ZGPAT: variants seen among roughly 807,000 people sequenced by gnomAD.
ZGPAT encodes zinc finger CCCH-type and G-patch domain containing.
ZGPAT carries 39 observed loss-of-function variants against 47.9 expected under a neutral mutation model. The observed-to-expected ratio is 0.81, with a 90% confidence interval of 0.63 to 1.06. ZGPAT has a LOEUF of 1.06. Among genes scored for constraint, ZGPAT ranks in the 50% least tolerant of loss-of-function variants. ZGPAT has a pLI of 0.00. For missense variants in ZGPAT, 717 were observed against 681.4 expected (o/e 1.05, Z -0.58); for synonymous variants, 348 against 292.9 (o/e 1.19, Z -1.92).
chr20:63,712,528 AAGAC>A (rs1416395922), intron 2 of ZGPAT, among the ~76,000 whole-genome samples: 7 of 152,200 alleles, frequency 4.6e-5, no homozygotes, highest in Non-Finnish European at 7.3e-5. Flanking sequence ...TTCTGCATAA[AAGAC>A]AGTTTGAATT....
In ZGPAT at chr20:63,734,981, C is replaced by T. The variant is rs369128993; in HGVS notation, c.991+157C>T. The T allele has an allele frequency of 1.0e-4, 136 of 1,312,760 alleles. No homozygotes were observed. The African/African-American group carries it at 1.3e-3, about 13-fold the overall frequency. 81.3% of individuals were successfully genotyped at this position (1,312,760 alleles called of 1,614,324 possible). ...TGCTCCTCAGATTCCCGGGGTCCCG[C>T]GGCCACAGCACTGCCATCCCCGTGC... On this transcript the variant is annotated intron_variant, in intron 5 of 6. Coordinates refer to ENST00000355969, the MANE Select transcript of ZGPAT (RefSeq NM_181485.3).
In ZGPAT at chr20:63,708,918, C is replaced by T. The variant is rs756811660; in HGVS notation, c.338C>T (p.Ser113Phe). 211 of 1,612,226 alleles carry T rather than the reference C, an allele frequency of 1.3e-4. No homozygotes were observed. Among genetic ancestry groups the T allele is most frequent in the Non-Finnish European group, 1.8e-4 (207 of 1,179,606 alleles). ...TVPKAEAGPESAAGGQEEEEG... is the reference protein window; with the variant it reads ...TVPKAEAGPEFAAGGQEEEEG... ...CCTAAAGCAGAGGCGGGGCCAGAATCTGCGGCAGGTGGGCAGGAGGAGGAA... is the reference window on the plus strand; with the variant it reads ...CCTAAAGCAGAGGCGGGGCCAGAATTTGCGGCAGGTGGGCAGGAGGAGGAA... Residue 113 changes from serine to phenylalanine, a missense_variant, in exon 2 of 7, where the codon TCT becomes TTT. Physicochemically the swap from Ser to Phe is radical, Grantham distance 155 (BLOSUM62 -2). Transcript: ENST00000355969.
chr20:63,727,690 A>G (rs1016491725), intron 2 of ZGPAT, among the ~76,000 whole-genome samples: 1 of 150,712 alleles, frequency 6.6e-6, no homozygotes, highest in Non-Finnish European at 1.5e-5. Context: ...AAAAAAAAAA[A>G]GGATTCTCTA....
intron 2 of ZGPAT, among the ~76,000 whole-genome samples, chr20:63,732,736 CTGTATA>C (rs1465397662): frequency 2.0e-5 from 3 of 148,864 alleles, no homozygotes; most frequent in South Asian, 4.3e-4. Flanking sequence ...ATGTGTATGT[CTGTATA>C]TGTGTGTGTA....
chr20:63,731,284 ATG>A (rs1232489677), intron 2 of ZGPAT, among the ~76,000 whole-genome samples: 14 of 145,106 alleles, frequency 9.6e-5, no homozygotes, highest in Admixed American at 5.6e-4. Flanking sequence ...TGTGTGTGTG[ATG>A]TGTGTGAGAC....
chr20:63,730,968 C>CTG (rs1402596177), intron 2 of ZGPAT, among the ~76,000 whole-genome samples: 10 of 101,024 alleles, frequency 9.9e-5, no homozygotes, highest in South Asian at 3.2e-4. Context: ...CTCTCTCTCT[C>CTG]TCTGTGTGTG....
intron 2 of ZGPAT, among the ~76,000 whole-genome samples, chr20:63,719,765 G>T: frequency 1.3e-5 from 2 of 149,680 alleles, no homozygotes. Context: ...TTTGAAGCGG[G>T]GTTTCACTCT....
At chr20:63,731,721 G>A (rs1601343268) in intron 2 of ZGPAT, among the ~76,000 whole-genome samples, 2 of 150,972 alleles carry the variant, frequency 1.3e-5, no homozygotes, top group South Asian at 4.2e-4. Context: ...GTGTGAGATT[G>A]TGTGTGCATA....
At chr20:63,727,423 G>C (rs578217791) in intron 2 of ZGPAT, among the ~76,000 whole-genome samples, 1 of 151,864 alleles carries the variant, frequency 6.6e-6, no homozygotes, top group East Asian at 1.9e-4. Flanking sequence ...TGTATTTTTA[G>C]TAGAGACGGG....
intron 2 of ZGPAT, among the ~76,000 whole-genome samples, chr20:63,722,575 C>A (rs548744223): frequency 6.6e-6 from 1 of 152,208 alleles, no homozygotes; most frequent in East Asian, 1.9e-4. Context: ...CTAGAGATGA[C>A]AATGTACATC....
rs1030036139 is a variant in ZGPAT, at chr20:63,733,467, C to T, written c.718+115C>T. On this transcript the variant is annotated intron_variant, in intron 3 of 6. Transcript: ENST00000355969. Reference sequence around the variant, plus strand: ...TGAGTGTCGGGACTCTGGCTCTGGGCCCGAAATGAGCACACCTACCCTCAG... The same window carrying T: ...TGAGTGTCGGGACTCTGGCTCTGGGTCCGAAATGAGCACACCTACCCTCAG... 3 of 1,596,970 alleles carry T rather than the reference C, an allele frequency of 1.9e-6. No homozygotes were observed. The African/African-American group carries it at 4.0e-5, about 21-fold the overall frequency.
intron 2 of ZGPAT, among the ~76,000 whole-genome samples, chr20:63,727,228 A>AT (rs11476997): frequency 7.8e-5 from 11 of 140,174 alleles, no homozygotes; most frequent in Middle Eastern, 3.6e-3. Flanking sequence ...TTTCCATTTG[A>AT]TTTTTTTTTT....
Position 63,732,515 on chromosome 20 carries a change from G to A in ZGPAT, c.585-704G>A, listed in dbSNP as rs544883370. On this transcript the variant is annotated intron_variant, in intron 2 of 6. Coordinates refer to ENST00000355969, the MANE Select transcript of ZGPAT (RefSeq NM_181485.3). ...TGTGTGGGTGAGGGCACGTGTGCGC[G>A]CGTGTGGGTGAGATGGCGTGTGCGT... Among the ~76,000 whole-genome samples, 31 of 151,904 alleles carry A rather than the reference G, an allele frequency of 2.0e-4. 1 individual carries two copies. The highest frequency in any genetic ancestry group is 4.6e-4 in the Admixed American group (7 of 15,232).
At chr20:63,715,833 TAG>T (rs35733523) in intron 2 of ZGPAT, among the ~76,000 whole-genome samples, 36,031 of 150,346 alleles carry the variant, frequency 0.24, 4,727 homozygotes, top group East Asian at 0.62. Context: ...CAATCATATA[TAG>T]AGAGAGAGAG....
intron 2 of ZGPAT, among the ~76,000 whole-genome samples, chr20:63,721,211 G>T (rs1395056148): frequency 6.6e-6 from 1 of 152,110 alleles, no homozygotes; most frequent in Non-Finnish European, 1.5e-5. Context: ...AATTAACCGG[G>T]CATGGTGGCA....
intron 2 of ZGPAT, among the ~76,000 whole-genome samples, chr20:63,709,878 T>G (rs187579421): frequency 2.0e-5 from 3 of 152,114 alleles, no homozygotes; most frequent in Non-Finnish European, 4.4e-5. Flanking sequence ...ATCTTTTTTT[T>G]GAGATGGAGT....
At chr20:63,732,894 G>A (rs561608141) in intron 2 of ZGPAT, among the ~76,000 whole-genome samples, 66 of 151,972 alleles carry the variant, frequency 4.3e-4, no homozygotes, top group African/African-American at 1.5e-3. Context: ...GTATGTGTAC[G>A]TGTGTATATG....
intron 2 of ZGPAT, among the ~76,000 whole-genome samples, chr20:63,725,280 G>A (rs1044867897): frequency 3.9e-5 from 6 of 152,320 alleles, no homozygotes; most frequent in Admixed American, 2.0e-4. Context: ...CACCGCGCCC[G>A]GCTAGAATTT....
chr20:63,732,682 ATGTGTG>A lies in ZGPAT; in HGVS notation c.585-535_585-530del, dbSNP rs11472432. On this transcript the variant is annotated intron_variant, in intron 2 of 6. Coordinates refer to ENST00000355969, the MANE Select transcript of ZGPAT (RefSeq NM_181485.3). ...TGTACATGTGTATATGCCTGTGTGC[ATGTGTG>A]TATGCATGTGTATACATGTGTACTT... Among the ~76,000 whole-genome samples the A allele has an allele frequency of 4.9e-4, 74 of 151,478 alleles. No homozygotes were observed. In the East Asian group the frequency reaches 9.2e-3, roughly 19 times the overall value.
Sources: allele counts gnomAD v4.1 joint callset (sites outside exome capture counted in the v4.1 genomes callset), GRCh38; gene constraint gnomAD v4.1.1; transcripts MANE v1.5; gene names NCBI Gene and HGNC (gene_info 2026-07-23, HGNC 2026-07-21).